The following CYTH4 variants were observed in gnomAD, a reference collection of about 807,000 sequenced individuals.
CYTH4 encodes cytohesin 4.
In CYTH4, 22 loss-of-function variants were observed where a neutral mutation model predicts 57.5. That is an observed-to-expected ratio of 0.38 (90% CI 0.27 to 0.55). CYTH4 has a LOEUF of 0.55. CYTH4 is among the 20% of genes least tolerant of loss of function. CYTH4 has a pLI of 0.74. For missense variants in CYTH4, 420 were observed against 535.6 expected, an observed-to-expected ratio of 0.78 and a Z score of 2.13; for synonymous variants, 186 against 206.5, an observed-to-expected ratio of 0.90 and a Z score of 0.85.
Position 37,313,735 on chromosome 22 carries a change from C to T in CYTH4, c.*224C>T. ...AATGAGGCCCCCTGGCCTGGGCACC[C>T]AGCTGCAGGCCCCTGCCCTACGTGC... is the stretch of plus-strand genomic sequence containing the variant. On this transcript the variant is annotated 3_prime_UTR_variant, in exon 13 of 13. Transcript: ENST00000248901. The T allele has an allele frequency of 1.8e-6, 1 of 570,406 alleles. No homozygotes were observed. The highest frequency in any genetic ancestry group is 3.1e-5 in the Admixed American group (1 of 32,130). 35.3% of individuals were successfully genotyped at this position (570,406 alleles called of 1,614,324 possible).
rs1285188974 is a variant in CYTH4 at position 37,295,328 on chromosome 22, T to C, written c.167+604T>C. The stretch of plus-strand genomic sequence containing the variant: ...CAATTTCCCATCCTGCGCCCGCCAC[T>C]CCTTAGGTCTCCACCTGTCCAGCCT... On this transcript the variant is annotated intron_variant, in intron 3 of 12. Transcript: ENST00000248901. This position sits in a 1 kb window ranked among gnomAD's most constrained non-coding sequence, Gnocchi z 4.1. Among the ~76,000 whole-genome samples, 2 of 151,344 alleles carry C rather than the reference T, an allele frequency of 1.3e-5. No homozygotes were observed. Among genetic ancestry groups the C allele is most frequent in the East Asian group, 3.9e-4 (2 of 5,162 alleles).
chr22:37,293,658 C>T (rs552334358), intron 2 of CYTH4, among the ~76,000 whole-genome samples: 1 of 152,360 alleles, frequency 6.6e-6, no homozygotes, highest in East Asian at 1.9e-4. Context: ...GAACCAGCCC[C>T]TCACCAGCAC....
chr22:37,308,871 TGC>T (rs35720920), intron 8 of CYTH4, among the ~76,000 whole-genome samples: 71,508 of 151,748 alleles, frequency 0.47, 17,260 homozygotes, highest in South Asian at 0.75. Flanking sequence ...TGCATACATG[TGC>T]GTGTGTGTGC....
intron 6 of CYTH4, among the ~76,000 whole-genome samples, chr22:37,299,884 G>C (rs373716586): frequency 6.6e-6 from 1 of 152,132 alleles, no homozygotes; most frequent in Non-Finnish European, 1.5e-5. Flanking sequence ...CCAGCTACTC[G>C]GGAGGCTGAG....
intron 6 of CYTH4, chr22:37,300,070 G>C (rs190963885): frequency 1.4e-6 from 1 of 717,486 alleles, no homozygotes; most frequent in Non-Finnish European, 2.6e-6. Flanking sequence ...AACTTCACAG[G>C]GTTGTGAAGA....
At position 37,294,707 on chromosome 22, in the gene CYTH4, C is replaced by G; in HGVS notation, c.150C>G (p.Phe50Leu). 1.2e-6 allele frequency: 2 copies of G among 1,613,824 alleles called. No individual in the cohort carries two copies. The highest frequency in any genetic ancestry group is 1.7e-6 in the Non-Finnish European group (2 of 1,179,818). ...IADVFAQIDCFESAEESRMAQ... is the reference protein window; with the variant it reads ...IADVFAQIDCLESAEESRMAQ... Reference sequence around the variant, plus strand: ...ATGTGTTTGCCCAAATCGACTGCTTCGAGAGTGCGGAGGAGAGGTGAGGGG... The same window carrying G: ...ATGTGTTTGCCCAAATCGACTGCTTGGAGAGTGCGGAGGAGAGGTGAGGGG... The change falls in exon 3 of 13, where the codon TTC becomes TTG. Residue 50 changes from phenylalanine (F) to leucine (L), a missense_variant. Coordinates refer to ENST00000248901, the MANE Select transcript of CYTH4 (RefSeq NM_013385.5).
intron 7 of CYTH4, among the ~76,000 whole-genome samples, chr22:37,301,648 G>A (rs1316243877): frequency 6.7e-5 from 10 of 148,438 alleles, no homozygotes; most frequent in South Asian, 2.1e-4. Context: ...ATCCCTATGC[G>A]CTGAGTGCTT....
At chr22:37,290,669 T>C (rs2006178) in intron 1 of CYTH4, among the ~76,000 whole-genome samples, 93,947 of 151,956 alleles carry the variant, frequency 0.62, 29,323 homozygotes, top group South Asian at 0.79. Context: ...CCACCATGCC[T>C]GGCTAATTTT....
chr22:37,300,975 C>G lies in CYTH4; in HGVS notation c.503C>G (p.Ala168Gly). 1 of 1,614,182 alleles carries G rather than the reference C, an allele frequency of 6.2e-7. No individual in the cohort carries two copies. Among genetic ancestry groups the G allele is most frequent in the South Asian group, 1.1e-5 (1 of 91,082 alleles). Residue 168 changes from alanine to glycine, a missense_variant, in exon 7 of 13, where the codon GCC becomes GGC. Coordinates refer to ENST00000248901, the MANE Select transcript of CYTH4 (RefSeq NM_013385.5). The stretch of plus-strand genomic sequence containing the variant: ...ATAGACCGGATGATGGAGGCCTTTG[C>G]CACTCGATACTGCCTCTGCAACCCA... ...QKIDRMMEAF[A>G]TRYCLCNPGV...
At chr22:37,297,142 C>T (rs1929003520) in intron 4 of CYTH4, among the ~76,000 whole-genome samples, 1 of 152,128 alleles carries the variant, frequency 6.6e-6, no homozygotes, top group Non-Finnish European at 1.5e-5. Context: ...GTTTTTCTAA[C>T]TTTTATACAA....
rs561138984 is a variant in CYTH4 at position 37,285,706 on chromosome 22, G to A, written c.19+3118G>A. Among the ~76,000 whole-genome samples, 269 of 151,246 alleles carry A rather than the reference G, an allele frequency of 1.8e-3. 1 individual carries two copies. The highest frequency in any genetic ancestry group is 5.4e-3 in the African/African-American group (219 of 40,618). On this transcript the variant is annotated intron_variant, in intron 1 of 12. Transcript: ENST00000248901. ...AGCCTGGGTAACAGACAGAGACATC[G>A]TCTCAAACAAACAAACAAACAAACA...
rs987247423 is a variant in CYTH4, at chr22:37,307,368, C to T, written c.697-1844C>T. ...GCTCCTTGGGCTTCCAAATATTTGT[C>T]TGTGCTGACAGCTTTGTTGATGGGG... On this transcript the variant is annotated intron_variant, in intron 8 of 12. Transcript: ENST00000248901. 3.3e-5 allele frequency among the ~76,000 whole-genome samples: 5 copies of T among 152,194 alleles called. No homozygotes were observed. In the East Asian group the frequency reaches 9.6e-4, roughly 29 times the overall value.
intron 1 of CYTH4, among the ~76,000 whole-genome samples, chr22:37,290,499 GTTTGTTTTGT>G (rs200952954): frequency 6.6e-6 from 1 of 151,818 alleles, no homozygotes; most frequent in African/African-American, 2.4e-5. Context: ...GGGTTTTTTT[GTTTGTTTTGT>G]TTTGTTTTGT....
At chr22:37,288,688 G>A (rs1216767767) in intron 1 of CYTH4, among the ~76,000 whole-genome samples, 1 of 152,184 alleles carries the variant, frequency 6.6e-6, no homozygotes, top group Non-Finnish European at 1.5e-5. Flanking sequence ...TCCACCTGCT[G>A]GAGACAGAGC....
In CYTH4 at chr22:37,313,751, C is replaced by A. The variant is rs914337666; in HGVS notation, c.*240C>A. The A allele has an allele frequency of 1.8e-5, 10 of 556,270 alleles. No individual in the cohort carries two copies. The highest frequency in any genetic ancestry group is 1.7e-4 in the African/African-American group (9 of 52,904). The allele number at this position is 556,270 out of a possible 1,614,324, so 34.5% of individuals were successfully genotyped here. ...CTGGGCACCCAGCTGCAGGCCCCTG[C>A]CCTACGTGCACTACAGGAAGGGGTG... is the stretch of plus-strand genomic sequence containing the variant. On this transcript the variant is annotated 3_prime_UTR_variant, in exon 13 of 13. Transcript: ENST00000248901.
chr22:37,311,531 G>A lies in CYTH4; in HGVS notation c.957+4G>A. On this transcript the variant is annotated splice_donor_region_variant and intron_variant, in intron 11 of 12. Transcript: ENST00000248901. This position sits in a 1 kb window ranked among gnomAD's most constrained non-coding sequence, Gnocchi z 4.4. ...GGTGGATGACCCCAAGAAGCCAGTA[G>A]GTGTTCAGGTTGCAGGATCCCGAGG... 1.2e-6 allele frequency: 2 copies of A among 1,613,818 alleles called. No individual in the cohort carries two copies. Among genetic ancestry groups the A allele is most frequent in the Non-Finnish European group, 1.7e-6 (2 of 1,179,916 alleles).
intron 1 of CYTH4, among the ~76,000 whole-genome samples, chr22:37,284,574 A>G (rs1427964888): frequency 6.6e-6 from 1 of 151,984 alleles, no homozygotes; most frequent in Non-Finnish European, 1.5e-5. Flanking sequence ...CTGAGTTCTG[A>G]TTTGTCATCT....
intron 7 of CYTH4, 106 bp from the exon 8 acceptor site, chr22:37,303,148 T>G: frequency 6.9e-7 from 1 of 1,457,092 alleles, no homozygotes; most frequent in African/African-American, 1.9e-5. Context: ...GAGGACAAGG[T>G]GGACCTTCGG....
intron 8 of CYTH4, among the ~76,000 whole-genome samples, chr22:37,306,302 G>A (rs1929392895): frequency 6.6e-6 from 1 of 152,202 alleles, no homozygotes; most frequent in Non-Finnish European, 1.5e-5. Context: ...CCAGTTCCAG[G>A]CATCTTCTGC....
Sources: gnomAD v4.1 joint callset for allele counts (sites outside exome capture counted in the v4.1 genomes callset) on GRCh38, gnomAD v4.1.1 for gene constraint, Gnocchi (gnomAD v3.1) non-coding constraint, MANE v1.5 for transcripts, NCBI Gene and HGNC (gene_info 2026-07-23, HGNC 2026-07-21) for gene names.